ZFP62: variants seen among roughly 807,000 people sequenced by gnomAD.
ZFP62 encodes ZFP62 zinc finger protein, also known as zinc finger protein 62 homolog.
ZFP62 carries 44 observed loss-of-function variants against 56.4 expected under a neutral mutation model. The ratio of observed to expected loss-of-function variants is 0.78; its 90% CI spans 0.61 to 1.00. The LOEUF (loss-of-function observed/expected upper bound fraction) is 1.00. Ranked by LOEUF, ZFP62 falls within the 50% of genes least tolerant of loss-of-function variation. ZFP62 has a pLI of 0.00. For missense variants in ZFP62, 1,030 were observed against 1,085.7 expected, an observed-to-expected ratio of 0.95 and a Z score of 0.72; for synonymous variants, 421 against 388.9, an observed-to-expected ratio of 1.08 and a Z score of -0.97.
the ZFP62 span, among the ~76,000 whole-genome samples, chr5:180,832,236 C>A: frequency 6.6e-6 from 1 of 152,208 alleles, no homozygotes; most frequent in Admixed American, 6.5e-5. Context: ...ACTGCAGCCT[C>A]AACCTTCCTG....
chr5:180,830,998 C>G, the ZFP62 span: 2 of 152,616 alleles, frequency 1.3e-5, no homozygotes, highest in Non-Finnish European at 2.9e-5. Context: ...GCCCTCCTCC[C>G]CTTCGTGCGC....
At position 180,848,760 on chromosome 5, in the gene ZFP62, T is replaced by C. The variant is rs1773512589; in HGVS notation, c.*32A>G. The C allele has an allele frequency of 7.5e-6, 11 of 1,474,272 alleles. No individual in the cohort carries two copies. The highest frequency in any genetic ancestry group is 8.1e-6 in the Non-Finnish European group (9 of 1,110,580). 91.3% of individuals were successfully genotyped at this position (1,474,272 alleles called of 1,614,324 possible). On this transcript the variant is annotated 3_prime_UTR_variant, in exon 2 of 2. Transcript: ENST00000502412. ...ACATTCATAAGGTATTTCTTCCATT[T>C]GAGTTCGGAGAGACTTGGTAAGCTC...
the ZFP62 span, chr5:180,834,773 T>C: frequency 6.6e-6 from 1 of 152,246 alleles, no homozygotes; most frequent in Non-Finnish European, 1.5e-5. Flanking sequence ...GTCCCTGTGA[T>C]AGTTTTAGGT....
the ZFP62 span, among the ~76,000 whole-genome samples, chr5:180,841,915 G>A: frequency 2.0e-5 from 3 of 152,136 alleles, no homozygotes; most frequent in Admixed American, 6.5e-5. Flanking sequence ...AGCCAGGCAT[G>A]GTGGTGCACA....
intron 1 of ZFP62, chr5:180,852,121 G>T: frequency 1.4e-6 from 1 of 690,590 alleles, no homozygotes; most frequent in Non-Finnish European, 1.8e-6. Context: ...CTGGTACATA[G>T]ACAGGCAAAT....
chr5:180,857,561 C>T (rs1021438572), intron 1 of ZFP62, among the ~76,000 whole-genome samples: 3 of 152,142 alleles, frequency 2.0e-5, no homozygotes, highest in Non-Finnish European at 4.4e-5. Flanking sequence ...TGCAATGGCA[C>T]GTCTCAGCAC....
At chr5:180,840,790 TG>T in the ZFP62 span, among the ~76,000 whole-genome samples, 2 of 1,548 alleles carry the variant, frequency 1.3e-3, no homozygotes, top group Admixed American at 0.016. Flanking sequence ...TAAAACAATT[TG>T]TGTGTGTGTG....
At chr5:180,857,875 A>C (rs1174160102) in intron 1 of ZFP62, among the ~76,000 whole-genome samples, 1 of 151,782 alleles carries the variant, frequency 6.6e-6, no homozygotes, top group Non-Finnish European at 1.5e-5. Context: ...TATTTCAATC[A>C]GGAAAAACTA....
the ZFP62 span, among the ~76,000 whole-genome samples, chr5:180,836,800 T>C: frequency 1.3e-5 from 2 of 152,232 alleles, no homozygotes; most frequent in African/African-American, 4.8e-5. Context: ...GGGTTGCAGA[T>C]CTATGGGCTA....
chr5:180,857,603 T>C (rs1464482761), intron 1 of ZFP62, among the ~76,000 whole-genome samples: 1 of 152,168 alleles, frequency 6.6e-6, no homozygotes, highest in Non-Finnish European at 1.5e-5. Flanking sequence ...GTTCAAGCGA[T>C]TCTCCTGCCT....
the ZFP62 span, among the ~76,000 whole-genome samples, chr5:180,833,561 T>C: frequency 1.3e-5 from 2 of 151,828 alleles, no homozygotes; most frequent in East Asian, 3.9e-4. Flanking sequence ...GGCAGCCATC[T>C]GCAACTTGTA....
chr5:180,861,173 G>A (rs1353277098), intron 1 of ZFP62, 46 bp downstream of exon 1: 8 of 398,448 alleles, frequency 2.0e-5, no homozygotes, highest in African/African-American at 1.4e-4. Context: ...GGGCGTGGCA[G>A]GCAAGGGCCG....
At chr5:180,832,464 A>G in the ZFP62 span, among the ~76,000 whole-genome samples, 2 of 152,168 alleles carry the variant, frequency 1.3e-5, no homozygotes, top group African/African-American at 4.8e-5. Flanking sequence ...TCCATTTCTG[A>G]TTTCCAAAAC....
At position 180,848,082 on chromosome 5, in the gene ZFP62, A is replaced by G; in HGVS notation, c.*710T>C. On this transcript the variant is annotated 3_prime_UTR_variant, in exon 2 of 2. Coordinates refer to ENST00000502412, the MANE Select transcript of ZFP62 (RefSeq NM_001172638.2). ...CATTCATTATGGGAGTTCATCTGAA[A>G]CTTTAAAAAAGTTTCATCCATTCAA... 1 of 982,958 alleles carries G rather than the reference A, an allele frequency of 1.0e-6. No homozygotes were observed. Among genetic ancestry groups the G allele is most frequent in the Non-Finnish European group, 1.2e-6 (1 of 829,914 alleles). 60.9% of individuals were successfully genotyped at this position (982,958 alleles called of 1,614,324 possible). A position where few individuals can be genotyped will look rare whatever the true frequency, so the allele number is the denominator to read the frequency against.
the ZFP62 span, chr5:180,832,523 C>T: frequency 1.3e-5 from 2 of 152,216 alleles, no homozygotes; most frequent in Admixed American, 1.3e-4. Flanking sequence ...TTGTAGTAAT[C>T]TGTTACAGCA....
the ZFP62 span, among the ~76,000 whole-genome samples, chr5:180,829,516 T>G: frequency 4.9e-3 from 741 of 152,340 alleles, 6 homozygotes; most frequent in African/African-American, 0.017. Context: ...CTTTGTACTC[T>G]TTATTTCTCA....
chr5:180,855,837 T>C lies in ZFP62; in HGVS notation c.2-4344A>G, dbSNP rs147001187. Among the ~76,000 whole-genome samples the C allele has an allele frequency of 5.5e-3, 838 of 152,280 alleles. 9 individuals are homozygous for C. Among genetic ancestry groups the C allele is most frequent in the African/African-American group, 0.018 (765 of 41,542 alleles). ...CATCGTTTCTAGACCTTCACTCTTA[T>C]CCCTGCCCAATTCTTTCTCCAACCA... is the stretch of plus-strand genomic sequence containing the variant. On this transcript the variant is annotated intron_variant, in intron 1 of 1. Coordinates refer to ENST00000502412, the MANE Select transcript of ZFP62 (RefSeq NM_001172638.2).
intron 1 of ZFP62, chr5:180,860,662 G>C (rs1170404528): frequency 1.3e-5 from 2 of 148,828 alleles, no homozygotes; most frequent in Non-Finnish European, 1.5e-5. Flanking sequence ...CACCTGCAGC[G>C]GGAGCTTATC....
At chr5:180,845,901 G>A (rs144325112), downstream of ZFP62, 791 of 984,832 alleles carry the variant, frequency 8.0e-4, 11 homozygotes, top group African/African-American at 0.012. Context: ...TATTTTCCAG[G>A]CTTTCACCTT....
Sources: gnomAD v4.1 joint callset for allele counts (sites outside exome capture counted in the v4.1 genomes callset) on GRCh38, gnomAD v4.1.1 for gene constraint, MANE v1.5 for transcripts, NCBI Gene and HGNC (gene_info 2026-07-23, HGNC 2026-07-21) for gene names.